GRIK2: variants seen among roughly 807,000 people sequenced by gnomAD.
GRIK2 encodes glutamate receptor ionotropic, kainate 2.
In GRIK2, 32 loss-of-function variants were observed where a neutral mutation model predicts 100.3. The observed-to-expected ratio is 0.32, with a 90% confidence interval of 0.24 to 0.43. GRIK2 has a LOEUF of 0.43. Ranked by LOEUF, GRIK2 falls within the 20% of genes least tolerant of loss-of-function variation. The probability of loss-of-function intolerance (pLI) is 1.00; values close to 1 mark genes in which losing one functional copy is unlikely to be tolerated. For synonymous variants in GRIK2, 417 were observed against 389.4 expected, an observed-to-expected ratio of 1.07 and a Z score of -0.83; for missense variants, 843 against 1,114.9, an observed-to-expected ratio of 0.76 and a Z score of 3.47.
intron 11 of GRIK2, among the ~76,000 whole-genome samples, chr6:101,888,643 T>A (rs1786831079): frequency 6.6e-6 from 1 of 152,118 alleles, no homozygotes. Flanking sequence ...ACACAGAGAA[T>A]AATATTGTCA....
intron 2 of GRIK2, among the ~76,000 whole-genome samples, chr6:101,459,172 A>T (rs9404107): frequency 0.12 from 18,244 of 151,908 alleles, 1,203 homozygotes; most frequent in East Asian, 0.33. Context: ...TGTAATGAAA[A>T]CTATCCATGC....
At chr6:102,010,882 A>G (rs542420480) in intron 14 of GRIK2, among the ~76,000 whole-genome samples, 1 of 152,038 alleles carries the variant, frequency 6.6e-6, no homozygotes, top group South Asian at 2.1e-4. Flanking sequence ...TTTTTAATAA[A>G]TAGTACTTAT....
chr6:101,911,240 G>T (rs1164168091), intron 12 of GRIK2, among the ~76,000 whole-genome samples: 4 of 151,406 alleles, frequency 2.6e-5, no homozygotes, highest in African/African-American at 7.3e-5. Flanking sequence ...CTATAGCCAA[G>T]AATTTTAACT....
At chr6:101,813,429 T>C (rs551462068) in intron 9 of GRIK2, among the ~76,000 whole-genome samples, 4 of 152,296 alleles carry the variant, frequency 2.6e-5, no homozygotes, top group Non-Finnish European at 5.9e-5. Flanking sequence ...GTATGTCACA[T>C]AATTATCTTT....
chr6:101,670,422 G>A (rs1770347312), intron 4 of GRIK2, among the ~76,000 whole-genome samples: 1 of 152,090 alleles, frequency 6.6e-6, no homozygotes, highest in Non-Finnish European at 1.5e-5. Flanking sequence ...CAGCAGAGAT[G>A]TATGAGTGTG....
intron 10 of GRIK2, among the ~76,000 whole-genome samples, chr6:101,823,191 C>T (rs369952042): frequency 5.9e-5 from 9 of 152,050 alleles, no homozygotes; most frequent in South Asian, 2.1e-4. Context: ...GCAATCAAGA[C>T]GGTATAGGAG....
chr6:101,617,679 A>G (rs1779958851), intron 2 of GRIK2, among the ~76,000 whole-genome samples: 1 of 151,788 alleles, frequency 6.6e-6, no homozygotes, highest in Admixed American at 6.6e-5. Context: ...TTCATTTTCC[A>G]TAATACCATG....
chr6:101,801,177 AT>A (rs1780645150), intron 8 of GRIK2, among the ~76,000 whole-genome samples: 1 of 151,882 alleles, frequency 6.6e-6, no homozygotes, highest in South Asian at 2.1e-4. Flanking sequence ...TCTACCCCAG[AT>A]TTGTTCTTCT....
chr6:101,465,754 A>C (rs1465712820), intron 2 of GRIK2, among the ~76,000 whole-genome samples: 2 of 152,222 alleles, frequency 1.3e-5, no homozygotes, highest in African/African-American at 4.8e-5. Context: ...GCTGAGACAC[A>C]TCAAGCGGGA....
intron 14 of GRIK2, among the ~76,000 whole-genome samples, chr6:101,998,066 A>G (rs1462662001): frequency 6.6e-6 from 1 of 152,090 alleles, no homozygotes; most frequent in Non-Finnish European, 1.5e-5. Context: ...TCCACTCCCA[A>G]AAGCTTCCTT....
chr6:102,032,111 T>C (rs7766799), intron 14 of GRIK2, among the ~76,000 whole-genome samples: 13,091 of 151,234 alleles, frequency 0.087, 1,913 homozygotes, highest in African/African-American at 0.3. Flanking sequence ...ATAAACTTTC[T>C]CATATCTTCG....
At chr6:101,519,393 T>C (rs72957145) in intron 2 of GRIK2, among the ~76,000 whole-genome samples, 21,918 of 151,392 alleles carry the variant, frequency 0.14, 1,793 homozygotes, top group Admixed American at 0.19. Context: ...CTAAGTACTT[T>C]ATTACATTAT....
chr6:101,672,776 G>A lies in GRIK2; in HGVS notation c.542-3847G>A, dbSNP rs906117866. On this transcript the variant is annotated intron_variant, in intron 4 of 16. Coordinates refer to ENST00000369134, the MANE Select transcript of GRIK2 (RefSeq NM_021956.5). ...TGTCTGTGTTGTTGCAAAGGCCATGGTCTCATTTTTATGGCTGTGTAGCAT... is the reference window on the plus strand; with the variant it reads ...TGTCTGTGTTGTTGCAAAGGCCATGATCTCATTTTTATGGCTGTGTAGCAT... Among the ~76,000 whole-genome samples the A allele has an allele frequency of 2.0e-5, 3 of 152,112 alleles. No homozygotes were observed. In the South Asian group the frequency reaches 6.2e-4, roughly 32 times the overall value.
intron 2 of GRIK2, among the ~76,000 whole-genome samples, chr6:101,469,241 C>T (rs1000242335): frequency 3.9e-5 from 6 of 151,948 alleles, no homozygotes; most frequent in South Asian, 2.1e-4. Context: ...TATTTTCACA[C>T]GTAAGATACT....
chr6:101,711,120 T>C (rs1409299420), intron 7 of GRIK2, among the ~76,000 whole-genome samples: 2 of 151,830 alleles, frequency 1.3e-5, no homozygotes, highest in Non-Finnish European at 2.9e-5. Context: ...GCTTTTGTTA[T>C]TGCACCCCTC....
chr6:101,565,472 T>G (rs1777211935), intron 2 of GRIK2, among the ~76,000 whole-genome samples: 1 of 152,100 alleles, frequency 6.6e-6, no homozygotes, highest in Non-Finnish European at 1.5e-5. Flanking sequence ...TATATGTTCT[T>G]TGAATTATTC....
chr6:101,739,449 C>T (rs1481060797), intron 7 of GRIK2, among the ~76,000 whole-genome samples: 1 of 152,098 alleles, frequency 6.6e-6, no homozygotes, highest in Non-Finnish European at 1.5e-5. Flanking sequence ...GAGCAGTGGA[C>T]GGTGAGTAGC....
chr6:101,939,331 A>G (rs1279988613), intron 14 of GRIK2, among the ~76,000 whole-genome samples: 1 of 152,018 alleles, frequency 6.6e-6, no homozygotes, highest in Non-Finnish European at 1.5e-5. Flanking sequence ...TATTGTTCGT[A>G]TTACCACTGA....
At position 101,793,369 on chromosome 6, in the gene GRIK2, T is replaced by C. The variant is rs1049382636; in HGVS notation, c.952-6279T>C. On this transcript the variant is annotated intron_variant, in intron 7 of 16. Coordinates refer to ENST00000369134, the MANE Select transcript of GRIK2 (RefSeq NM_021956.5). ...TACTTTTGGTCTTTGATGATGGTGA[T>C]GTACAGATGGGTTTTGGTGTGGATG... is the stretch of plus-strand genomic sequence containing the variant. 2.2e-4 allele frequency among the ~76,000 whole-genome samples: 34 copies of C among 152,288 alleles called. 2 individuals are homozygous for C. The highest frequency in any genetic ancestry group is 2.1e-3 in the Admixed American group (32 of 15,300).
Sources: allele counts gnomAD v4.1 joint callset (sites outside exome capture counted in the v4.1 genomes callset), GRCh38; gene constraint gnomAD v4.1.1; transcripts MANE v1.5; gene names NCBI Gene and HGNC (gene_info 2026-07-23, HGNC 2026-07-21).